Variants in EFL1 observed in about 807,000 individuals in gnomAD.
EFL1 encodes the protein elongation factor-like GTPase 1.
EFL1 carries 76 observed loss-of-function variants against 126.7 expected under a neutral mutation model. That is an observed-to-expected ratio of 0.60 (90% CI 0.50 to 0.73). EFL1 has a LOEUF of 0.73. EFL1 is among the 30% of genes least tolerant of loss of function. The pLI is 0.00. For missense variants in EFL1, 1,128 were observed against 1,343.2 expected (o/e 0.84, Z 2.50); for synonymous variants, 410 against 448.4 (o/e 0.91, Z 1.08).
chr15:82,240,959 A>G (rs1274365093), intron 5 of EFL1, among the ~76,000 whole-genome samples: 1 of 152,210 alleles, frequency 6.6e-6, no homozygotes, highest in African/African-American at 2.4e-5. Flanking sequence ...TTGAAGCATG[A>G]AAATCACTTG....
chr15:82,157,948 A>G (rs909715444), intron 16 of EFL1, 88 bp from the exon 17 acceptor site: 1 of 1,341,584 alleles, frequency 7.5e-7, no homozygotes, highest in African/African-American at 1.5e-5. Context: ...AGGGAAAATT[A>G]CATTGAAATA....
At chr15:82,166,364 C>T (rs974046268) in intron 15 of EFL1, among the ~76,000 whole-genome samples, 3 of 152,134 alleles carry the variant, frequency 2.0e-5, no homozygotes, top group African/African-American at 7.2e-5. Flanking sequence ...TTATAATTCT[C>T]CCAGAAACAA....
intron 15 of EFL1, among the ~76,000 whole-genome samples, chr15:82,188,898 T>C (rs1392084171): frequency 7.3e-5 from 11 of 151,166 alleles, no homozygotes; most frequent in Admixed American, 7.3e-4. Flanking sequence ...GATTTTGCAA[T>C]GTTAGAGAAT....
At chr15:82,171,726 G>A (rs959427408) in intron 15 of EFL1, among the ~76,000 whole-genome samples, 2 of 152,106 alleles carry the variant, frequency 1.3e-5, no homozygotes, top group Non-Finnish European at 2.9e-5. Flanking sequence ...AGAGAGTGGG[G>A]AGGGAGGTTG....
intron 15 of EFL1, among the ~76,000 whole-genome samples, chr15:82,187,483 A>G (rs527440582): frequency 6.6e-6 from 1 of 152,316 alleles, no homozygotes; most frequent in Admixed American, 6.5e-5. Context: ...TTTTGGTCAG[A>G]AAATAATAGC....
At chr15:82,199,518 A>G (rs2074445139) in intron 15 of EFL1, among the ~76,000 whole-genome samples, 1 of 152,246 alleles carries the variant, frequency 6.6e-6, no homozygotes, top group South Asian at 2.1e-4. Context: ...CTACTCCCTC[A>G]AAAGAAACTA....
At chr15:82,172,150 A>G (rs1408825577) in intron 15 of EFL1, among the ~76,000 whole-genome samples, 1 of 152,234 alleles carries the variant, frequency 6.6e-6, no homozygotes, top group Admixed American at 6.5e-5. Flanking sequence ...TTTCACACCA[A>G]TACAACTGGT....
intron 12 of EFL1, among the ~76,000 whole-genome samples, chr15:82,222,614 TG>T (rs1304224953): frequency 6.6e-6 from 1 of 152,224 alleles, no homozygotes; most frequent in Non-Finnish European, 1.5e-5. Context: ...TAACAACTAC[TG>T]TGTGCCACAC....
chr15:82,209,305 A>C (rs2074558302), intron 15 of EFL1, among the ~76,000 whole-genome samples: 1 of 104,612 alleles, frequency 9.6e-6, no homozygotes, highest in Admixed American at 1.1e-4. Flanking sequence ...AAGGATTCAC[A>C]CACAGACACA....
chr15:82,142,235 C>T (rs1205269338), intron 18 of EFL1, among the ~76,000 whole-genome samples: 5 of 152,150 alleles, frequency 3.3e-5, no homozygotes, highest in Admixed American at 2.0e-4. Context: ...TTGAGTACAG[C>T]GGCTCATCAC....
intron 7 of EFL1, among the ~76,000 whole-genome samples, chr15:82,231,661 A>G (rs936055668): frequency 1.4e-5 from 2 of 142,034 alleles, no homozygotes; most frequent in African/African-American, 5.2e-5. Context: ...ATGCCTGCTC[A>G]GGAAAAAAAA....
At chr15:82,172,053 A>G (rs1218330263) in intron 15 of EFL1, among the ~76,000 whole-genome samples, 1 of 151,600 alleles carries the variant, frequency 6.6e-6, no homozygotes, top group Non-Finnish European at 1.5e-5. Flanking sequence ...AAGACATTAA[A>G]AGAAAAGAAA....
At position 82,244,637 on chromosome 15, in the gene EFL1, A is replaced by C. The variant is rs551507654; in HGVS notation, c.245-3234T>G. Among the ~76,000 whole-genome samples the C allele has an allele frequency of 1.9e-4, 29 of 152,270 alleles. 1 individual carries two copies. The highest frequency in any genetic ancestry group is 5.5e-4 in the African/African-American group (23 of 41,506). On this transcript the variant is annotated intron_variant, in intron 4 of 19. Transcript: ENST00000268206. ...GGGGGCTGAAAAAAAAGTTGGAAGAACTGAAGTTAATTATGGGAGATATCT... is the reference window on the plus strand; with the variant it reads ...GGGGGCTGAAAAAAAAGTTGGAAGACCTGAAGTTAATTATGGGAGATATCT...
At chr15:82,241,500 A>C in intron 4 of EFL1, 97 bp from the exon 5 acceptor site, 1 of 1,433,776 alleles carries the variant, frequency 7.0e-7, no homozygotes, top group African/African-American at 1.4e-5. Context: ...GCTTCTAAGA[A>C]AAAACTGAAC....
chr15:82,238,447 T>C lies in EFL1; in HGVS notation c.591A>G (p.Gln197=). 15 of 1,614,156 alleles carry C rather than the reference T, an allele frequency of 9.3e-6. No individual in the cohort carries two copies. Among genetic ancestry groups the C allele is most frequent in the Non-Finnish European group, 1.2e-5 (14 of 1,180,028 alleles). The stretch of plus-strand genomic sequence containing the variant: ...CTCCTTGTTCAGAATTTGGATTCAC[T>C]TGGGATTCAGTCTCCCTCTCTGCTC... ...EERAERETES[Q]VNPNSEQGEQ... is the part of the protein sequence containing the mutation. Residue 197 remains glutamine (Q), a synonymous_variant, in exon 7 of 20, where the codon CAA becomes CAG. Transcript: ENST00000268206.
chr15:82,195,137 G>A (rs1435124599), intron 15 of EFL1, among the ~76,000 whole-genome samples: 1 of 151,976 alleles, frequency 6.6e-6, no homozygotes, highest in African/African-American at 2.4e-5. Flanking sequence ...ACTTGGTTTC[G>A]GTTATAAACT....
At chr15:82,231,043 C>T (rs2074817565) in intron 7 of EFL1, 72 bp from the exon 8 acceptor site, 3 of 1,522,028 alleles carry the variant, frequency 2.0e-6, no homozygotes, top group Non-Finnish European at 2.7e-6. Flanking sequence ...ACTGTTCAAA[C>T]TTCTTTACAC....
intron 15 of EFL1, among the ~76,000 whole-genome samples, chr15:82,197,041 A>T (rs572186149): frequency 3.0e-4 from 46 of 152,266 alleles, no homozygotes; most frequent in African/African-American, 1.1e-3. Flanking sequence ...TAAAAAAAAA[A>T]AAAAAAAATT....
chr15:82,130,399 G>A lies in EFL1; in HGVS notation c.3337C>T (p.Gln1113Ter). ...EEKIVEHAEK[Q>*]RTLSKNK ...TACTTATTTTTGCTGAGTGTCCTCT[G>A]CTTTTCTGCATGCTCCACAATCTTT... is the stretch of plus-strand genomic sequence containing the variant. Residue 1113 changes from glutamine to a stop codon, truncating the protein, a stop_gained, in exon 20 of 20, where the codon CAG becomes TAG. Transcript: ENST00000268206. LOFTEE classifies it high-confidence loss of function. The A allele has an allele frequency of 3.1e-6, 5 of 1,614,124 alleles. No individual in the cohort carries two copies. The highest frequency in any genetic ancestry group is 1.3e-5 in the African/African-American group (1 of 75,054).
Sources: gnomAD v4.1 joint callset for allele counts (sites outside exome capture counted in the v4.1 genomes callset) on GRCh38, gnomAD v4.1.1 for gene constraint, MANE v1.5 for transcripts, NCBI Gene and HGNC (gene_info 2026-07-23, HGNC 2026-07-21) for gene names.